Variants in TGM7 observed in about 807,000 individuals in gnomAD.
The protein encoded by TGM7 is protein-glutamine gamma-glutamyltransferase Z.
In TGM7, 74 loss-of-function variants were observed where a neutral mutation model predicts 79.5. The observed-to-expected ratio is 0.93, with a 90% CI of 0.77 to 1.13. TGM7 has a LOEUF of 1.13. Ranked by LOEUF, TGM7 falls within the 50% of genes most tolerant of loss-of-function variation. The probability of loss-of-function intolerance (pLI) is 0.00; values close to 1 mark genes in which losing one functional copy is unlikely to be tolerated. For synonymous variants in TGM7, 354 were observed against 362.5 expected (o/e 0.98, Z 0.27); for missense variants, 912 against 905.9 (o/e 1.01, Z -0.09).
intron 1 of TGM7, among the ~76,000 whole-genome samples, chr15:43,296,161 C>A (rs749958574): frequency 6.6e-6 from 1 of 152,154 alleles, no homozygotes; most frequent in Admixed American, 6.5e-5. Context: ...TGAGGTGGCT[C>A]ACGCCTGTAA....
chr15:43,298,190 C>T (rs1435158921), intron 1 of TGM7, among the ~76,000 whole-genome samples: 1 of 152,214 alleles, frequency 6.6e-6, no homozygotes, highest in Non-Finnish European at 1.5e-5. Flanking sequence ...GCACAATCTC[C>T]TGCCATCCTG....
rs374398713 is a variant in TGM7 at position 43,276,515 on chromosome 15, G to C, written c.2073C>G (p.Asn691Lys). The C allele has an allele frequency of 3.7e-6, 6 of 1,614,154 alleles. No homozygotes were observed. The highest frequency in any genetic ancestry group is 3.3e-5 in the South Asian group (3 of 91,084). The change falls in exon 13 of 13, where the codon AAC (asparagine) becomes AAG (lysine). Residue 691 changes from asparagine to lysine, a missense_variant. By Grantham distance (94) the Asn-to-Lys change is moderately conservative (BLOSUM62 0). Transcript: ENST00000452443. The stretch of plus-strand genomic sequence containing the variant: ...TGTAGCCTTTGATCTCCTTGACCTC[G>C]TTGCTGCTGATGAGAACCTGGAGCT... ...PRQLQVLISS[N>K]EVKEIKGYKD...
intron 1 of TGM7, among the ~76,000 whole-genome samples, chr15:43,301,877 AG>A (rs1190908790): frequency 6.6e-6 from 1 of 152,026 alleles, no homozygotes; most frequent in Non-Finnish European, 1.5e-5. Context: ...AGGGTCTGAG[AG>A]GGGTCCTCCC....
chr15:43,298,076 C>T (rs1017533725), intron 1 of TGM7, among the ~76,000 whole-genome samples: 1 of 152,210 alleles, frequency 6.6e-6, no homozygotes, highest in African/African-American at 2.4e-5. Flanking sequence ...TCACCAACCG[C>T]CTGAAATGGA....
intron 1 of TGM7, among the ~76,000 whole-genome samples, chr15:43,293,993 A>G (rs563837270): frequency 1.3e-5 from 2 of 151,828 alleles, no homozygotes; most frequent in South Asian, 2.1e-4. Context: ...TGGAGCCACA[A>G]TGATCAAGGA....
chr15:43,279,682 C>T lies in TGM7; in HGVS notation c.1621G>A (p.Gly541Ser), dbSNP rs771405479. 6.2e-7 allele frequency: 1 copy of T among 1,612,954 alleles called. No individual in the cohort carries two copies. Among genetic ancestry groups the T allele is most frequent in the Non-Finnish European group, 8.5e-7 (1 of 1,179,486 alleles). The change falls in exon 10 of 13, where the codon GGT becomes AGT. Residue 541 changes from glycine (G) to serine (S), a missense_variant. Physicochemically the swap from Gly to Ser is moderately conservative, Grantham distance 56 (BLOSUM62 0). Transcript: ENST00000452443. ...TGCCTCCAGAAGGGCTTCTGGGTAC[C>T]ACCCCCATGCAGCAGGGCCTGTGCA... is the stretch of plus-strand genomic sequence containing the variant. ...FCAQALLHGGGTQKPFWRHTV... is the reference protein window; with the variant it reads ...FCAQALLHGGSTQKPFWRHTV...
intron 6 of TGM7, among the ~76,000 whole-genome samples, chr15:43,285,358 C>T (rs866184942): frequency 6.6e-6 from 1 of 152,152 alleles, no homozygotes; most frequent in Non-Finnish European, 1.5e-5. Flanking sequence ...ATGGGGAAAC[C>T]CCGTCTCTAC....
intron 2 of TGM7, among the ~76,000 whole-genome samples, 153 bp from the exon 3 acceptor site, chr15:43,293,107 A>AC (rs2142416856): frequency 6.6e-6 from 1 of 152,094 alleles, no homozygotes; most frequent in South Asian, 2.1e-4. Flanking sequence ...ACCATTTAAG[A>AC]CCCCCAGGCC....
rs779620259 is a variant in TGM7 at position 43,292,697 on chromosome 15, G to A, written c.439+12C>T. 3.1e-6 allele frequency: 5 copies of A among 1,613,406 alleles called. No individual in the cohort carries two copies. Among genetic ancestry groups the A allele is most frequent in the Non-Finnish European group, 4.2e-6 (5 of 1,179,672 alleles). Reference sequence around the variant, plus strand: ...GATCAGGTTAGCAATACAAGCTGTGGGCACATCCTACCTGGACTCCAAGGG... The same window carrying A: ...GATCAGGTTAGCAATACAAGCTGTGAGCACATCCTACCTGGACTCCAAGGG... On this transcript the variant is annotated intron_variant, in intron 3 of 12. Transcript: ENST00000452443.
chr15:43,286,458 G>A (rs907414690), intron 6 of TGM7, among the ~76,000 whole-genome samples: 2 of 152,154 alleles, frequency 1.3e-5, no homozygotes, highest in Admixed American at 1.3e-4. Context: ...GGCAAAGTGA[G>A]GTCACTGGAT....
At chr15:43,297,468 A>C (rs2142422366) in intron 1 of TGM7, among the ~76,000 whole-genome samples, 1 of 150,424 alleles carries the variant, frequency 6.6e-6, no homozygotes, top group Non-Finnish European at 1.5e-5. Context: ...AGAGAGAAAG[A>C]GAGACAGAAA....
rs1297624441 is a variant in TGM7 at position 43,293,625 on chromosome 15, G to A, written c.17C>T (p.Thr6Ile). 1 of 1,604,532 alleles carries A rather than the reference G, an allele frequency of 6.2e-7. No homozygotes were observed. Among genetic ancestry groups the A allele is most frequent in the Non-Finnish European group, 8.5e-7 (1 of 1,177,404 alleles). Residue 6 changes from threonine to isoleucine, a missense_variant, in exon 2 of 13, where the codon ACC (threonine) becomes ATC (isoleucine). Coordinates refer to ENST00000452443, the MANE Select transcript of TGM7 (RefSeq NM_052955.3). ...CAGGTCGACAGACTCAAGCCGCAAG[G>A]TTGCCACTAGGGGAGAGGAGGGGAC... is the stretch of plus-strand genomic sequence containing the variant. MDQVA[T>I]LRLESVDLQS...
intron 4 of TGM7, among the ~76,000 whole-genome samples, chr15:43,289,773 G>A (rs1262431501): frequency 4.6e-5 from 7 of 152,174 alleles, no homozygotes; most frequent in Non-Finnish European, 1.5e-5. Context: ...GTGTGAGGTG[G>A]TATCTCATTG....
chr15:43,277,425 G>C (rs2042883681), intron 11 of TGM7, among the ~76,000 whole-genome samples: 1 of 152,222 alleles, frequency 6.6e-6, no homozygotes, highest in South Asian at 2.1e-4. Flanking sequence ...TGTGCCATCA[G>C]TGATGTCATC....
chr15:43,297,587 TAGAAAGAAAGAA>T (rs3038034), intron 1 of TGM7, among the ~76,000 whole-genome samples: 78 of 114,570 alleles, frequency 6.8e-4, no homozygotes, highest in African/African-American at 1.3e-3. Context: ...TCTGCATGTA[TAGAAAGAAAGAA>T]AGAAAGAAAG....
intron 4 of TGM7, among the ~76,000 whole-genome samples, chr15:43,288,165 C>A (rs2142411347): frequency 6.6e-6 from 1 of 152,356 alleles, no homozygotes; most frequent in South Asian, 2.1e-4. Context: ...GAGCTCAGAG[C>A]AGACGCTGCG....
rs372539473 is a variant in TGM7 at position 43,287,316 on chromosome 15, C to A, written c.829G>T (p.Gly277Ter). ...SARGGQPVKYGQCWVFASVMC... is the reference protein window; with the variant it reads ...SARGGQPVKY Reference sequence around the variant, plus strand: ...ACAGAGGCGAAGACCCAGCACTGTCCGTACTTCACAGGCTGCCCGCCCCTG... The same window carrying A: ...ACAGAGGCGAAGACCCAGCACTGTCAGTACTTCACAGGCTGCCCGCCCCTG... Residue 277 changes from glycine to a stop codon, truncating the protein, a stop_gained, in exon 6 of 13, where the codon GGA (glycine) becomes TGA (stop). Transcript: ENST00000452443. LOFTEE classifies it high-confidence loss of function. 1 of 1,613,946 alleles carries A rather than the reference C, an allele frequency of 6.2e-7. No homozygotes were observed.
chr15:43,286,836 T>G (rs917603839), intron 6 of TGM7, among the ~76,000 whole-genome samples: 3 of 152,240 alleles, frequency 2.0e-5, no homozygotes, highest in African/African-American at 7.2e-5. Flanking sequence ...GTGGCAAGTC[T>G]ATAATGATAA....
chr15:43,281,746 G>A, intron 9 of TGM7, 98 bp downstream of exon 9: 1 of 1,541,854 alleles, frequency 6.5e-7, no homozygotes, highest in Admixed American at 1.8e-5. Context: ...TGAGGAAGAG[G>A]TGATTCGATG....
Sources: gnomAD v4.1 joint callset for allele counts (sites outside exome capture counted in the v4.1 genomes callset) on GRCh38, gnomAD v4.1.1 for gene constraint, MANE v1.5 for transcripts, NCBI Gene and HGNC (gene_info 2026-07-23, HGNC 2026-07-21) for gene names.